Variants in SPAG16 observed in about 807,000 individuals in gnomAD.
The protein encoded by SPAG16 is sperm associated antigen 16, also known as sperm-associated antigen 16 protein.
A neutral mutation model predicts 80.4 loss-of-function variants in SPAG16; 86 were observed. The observed-to-expected ratio is 1.07, with a 90% CI of 0.90 to 1.28. The LOEUF (loss-of-function observed/expected upper bound fraction) is 1.28. Ranked by LOEUF, SPAG16 falls within the 50% of genes most tolerant of loss-of-function variation. The pLI, the probability that SPAG16 is intolerant of heterozygous loss-of-function variation, is 0.00. For synonymous variants in SPAG16, 294 were observed against 265.9 expected, an observed-to-expected ratio of 1.11 and a Z score of -1.03; for missense variants, 870 against 765.3, an observed-to-expected ratio of 1.14 and a Z score of -1.61.
At chr2:213,935,844 T>A (rs2078966553) in intron 12 of SPAG16, among the ~76,000 whole-genome samples, 1 of 152,202 alleles carries the variant, frequency 6.6e-6, no homozygotes, top group Non-Finnish European at 1.5e-5. Flanking sequence ...CTTACTTCGT[T>A]CTATGCCTTA....
intron 13 of SPAG16, among the ~76,000 whole-genome samples, chr2:214,035,698 G>A (rs1022488912): frequency 1.3e-5 from 2 of 152,238 alleles, no homozygotes; most frequent in African/African-American, 4.8e-5. Context: ...CAAGAGTGCA[G>A]AGCTGCCAGG....
intron 10 of SPAG16, among the ~76,000 whole-genome samples, chr2:213,802,662 A>G (rs1174608883): frequency 6.6e-6 from 1 of 152,208 alleles, no homozygotes; most frequent in East Asian, 1.9e-4. Context: ...CCCTAAGAGG[A>G]ATAACATTAA....
chr2:213,501,573 A>G (rs1348358872), intron 10 of SPAG16, among the ~76,000 whole-genome samples: 1 of 152,220 alleles, frequency 6.6e-6, no homozygotes, highest in Non-Finnish European at 1.5e-5. Context: ...GTATGTCTTA[A>G]GACCTGCTCT....
chr2:214,080,683 T>A (rs2051341039), intron 13 of SPAG16, among the ~76,000 whole-genome samples: 1 of 151,876 alleles, frequency 6.6e-6, no homozygotes, highest in Admixed American at 6.6e-5. Flanking sequence ...TTTTAAATAT[T>A]TTATGAATAA....
At chr2:213,305,886 T>C (rs185789964) in intron 3 of SPAG16, among the ~76,000 whole-genome samples, 219 of 152,310 alleles carry the variant, frequency 1.4e-3, no homozygotes, top group Non-Finnish European at 2.7e-3. Context: ...CTCCCTTTTC[T>C]TGTGATTTTT....
intron 10 of SPAG16, among the ~76,000 whole-genome samples, chr2:213,683,608 T>G (rs1160869899): frequency 1.3e-5 from 2 of 152,176 alleles, no homozygotes; most frequent in East Asian, 3.8e-4. Flanking sequence ...GAAATTATGT[T>G]CTATGTATTT....
chr2:214,135,357 T>C (rs2054991976), intron 14 of SPAG16, among the ~76,000 whole-genome samples: 1 of 152,200 alleles, frequency 6.6e-6, no homozygotes, highest in Admixed American at 6.5e-5. Context: ...CCTGCTTGCT[T>C]GATTTGTTCT....
chr2:214,244,834 C>A (rs10490502), intron 15 of SPAG16, among the ~76,000 whole-genome samples: 18,235 of 151,898 alleles, frequency 0.12, 1,143 homozygotes, highest in East Asian at 0.18. Context: ...TATTTTTATT[C>A]TTTGTACACT....
At chr2:214,242,744 G>T (rs1689580001) in intron 15 of SPAG16, among the ~76,000 whole-genome samples, 1 of 152,018 alleles carries the variant, frequency 6.6e-6, no homozygotes. Flanking sequence ...ATATTTCAAA[G>T]TTACCATAAT....
chr2:213,976,135 T>TATATACACACACAC (rs749957411), intron 12 of SPAG16, among the ~76,000 whole-genome samples: 18 of 81,404 alleles, frequency 2.2e-4, no homozygotes, highest in African/African-American at 4.9e-4. Flanking sequence ...TATATATATA[T>TATATACACACACAC]ACACACACAC....
chr2:213,869,683 A>G (rs1256441734), intron 11 of SPAG16, among the ~76,000 whole-genome samples: 4 of 150,304 alleles, frequency 2.7e-5, no homozygotes, highest in South Asian at 2.1e-4. Flanking sequence ...AAAGTAATAC[A>G]GGATCATCAT....
chr2:213,962,201 T>G (rs2044472332), intron 12 of SPAG16, among the ~76,000 whole-genome samples: 2 of 151,618 alleles, frequency 1.3e-5, no homozygotes, highest in South Asian at 2.1e-4. Context: ...TTTTATGTTT[T>G]TTTTTTTTTT....
intron 13 of SPAG16, among the ~76,000 whole-genome samples, chr2:214,016,137 G>T (rs906245782): frequency 8.5e-5 from 13 of 152,064 alleles, no homozygotes; most frequent in African/African-American, 2.9e-4. Flanking sequence ...GAGTGAATTT[G>T]ATTTTAATAA....
At chr2:213,657,091 T>C (rs568574623) in intron 10 of SPAG16, among the ~76,000 whole-genome samples, 1 of 152,292 alleles carries the variant, frequency 6.6e-6, no homozygotes, top group African/African-American at 2.4e-5. Flanking sequence ...TAAAATATTT[T>C]GGTGACCTTT....
At chr2:213,856,652 T>G (rs912116517) in intron 10 of SPAG16, among the ~76,000 whole-genome samples, 1 of 152,130 alleles carries the variant, frequency 6.6e-6, no homozygotes. Context: ...GCCCAACACA[T>G]GTAAGCTGCC....
chr2:214,269,518 C>CT (rs1691834793), intron 15 of SPAG16, among the ~76,000 whole-genome samples: 1 of 151,944 alleles, frequency 6.6e-6, no homozygotes, highest in African/African-American at 2.4e-5. Flanking sequence ...AGTGAAATGT[C>CT]TATCTTTTCT....
At chr2:213,443,512 A>G (rs948409367) in intron 9 of SPAG16, among the ~76,000 whole-genome samples, 11 of 152,154 alleles carry the variant, frequency 7.2e-5, no homozygotes, top group Non-Finnish European at 1.3e-4. Flanking sequence ...ATAATATTCC[A>G]TTGTATATGT....
chr2:213,619,759 C>G (rs1441834870), intron 10 of SPAG16, among the ~76,000 whole-genome samples: 1 of 152,066 alleles, frequency 6.6e-6, no homozygotes, highest in Admixed American at 6.5e-5. Flanking sequence ...ATGGAACTTC[C>G]TCAAAAAACT....
At chr2:213,940,832 C>T (rs1338464536) in intron 12 of SPAG16, among the ~76,000 whole-genome samples, 1 of 152,132 alleles carries the variant, frequency 6.6e-6, no homozygotes, top group African/African-American at 2.4e-5. Context: ...GCAATAACTT[C>T]TTACCCCTAA....
Sources: gnomAD v4.1 joint callset for allele counts (sites outside exome capture counted in the v4.1 genomes callset) on GRCh38, gnomAD v4.1.1 for gene constraint, MANE v1.5 for transcripts, NCBI Gene and HGNC (gene_info 2026-07-23, HGNC 2026-07-21) for gene names.